Variants in ANO3 observed in about 807,000 individuals in gnomAD.
The protein encoded by ANO3 is anoctamin 3.
Under a neutral mutation model 144.8 loss-of-function variants are expected in ANO3, and 99 were observed. The ratio of observed to expected loss-of-function variants is 0.68; its 90% confidence interval spans 0.58 to 0.81. ANO3 has a LOEUF of 0.81. Among genes scored for constraint, ANO3 ranks in the 30% least tolerant of loss-of-function variants. The probability of loss-of-function intolerance (pLI) is 0.00; values close to 1 mark genes in which losing one functional copy is unlikely to be tolerated. For synonymous variants in ANO3, 414 were observed against 392.6 expected, an observed-to-expected ratio of 1.05 and a Z score of -0.64; for missense variants, 905 against 1,202.2, an observed-to-expected ratio of 0.75 and a Z score of 3.66.
chr11:26,437,276 C>T (rs1565024096), intron 1 of ANO3, among the ~76,000 whole-genome samples: 3 of 152,174 alleles, frequency 2.0e-5, no homozygotes, highest in South Asian at 2.1e-4. Flanking sequence ...TGGGGCTCCA[C>T]GTGTGCCCAA....
chr11:26,453,533 T>G lies in ANO3; in HGVS notation c.314-9497T>G, dbSNP rs1590373235. On this transcript the variant is annotated intron_variant, in intron 3 of 26. Transcript: ENST00000256737. ...TCAATTCAACAAGAAGAGCTAACTA[T>G]CCTAAATATATATGCACCCAATACA... 2.0e-5 allele frequency among the ~76,000 whole-genome samples: 3 copies of G among 152,148 alleles called. 1 individual carries two copies. In the East Asian group the frequency reaches 5.8e-4, roughly 29 times the overall value.
At chr11:26,478,032 A>G (rs1263218370) in intron 4 of ANO3, among the ~76,000 whole-genome samples, 1 of 152,218 alleles carries the variant, frequency 6.6e-6, no homozygotes, top group African/African-American at 2.4e-5. Flanking sequence ...GCTATTTAAA[A>G]GTGCAGTGAA....
intron 10 of ANO3, 62 bp from the exon 11 acceptor site, chr11:26,541,885 C>G: frequency 8.0e-6 from 12 of 1,498,014 alleles, no homozygotes; most frequent in Non-Finnish European, 1.1e-5. Context: ...AAATACAGTT[C>G]TTACTCAGTT....
intron 1 of ANO3, among the ~76,000 whole-genome samples, chr11:26,214,201 C>T (rs552118558): frequency 2.0e-5 from 3 of 151,844 alleles, no homozygotes; most frequent in Non-Finnish European, 4.4e-5. Flanking sequence ...CAAATGTCAC[C>T]AATGTCTAAA....
intron 1 of ANO3, among the ~76,000 whole-genome samples, chr11:26,371,989 T>C (rs1243896676): frequency 1.3e-5 from 2 of 152,174 alleles, no homozygotes; most frequent in Non-Finnish European, 2.9e-5. Context: ...AGGGCATTAT[T>C]GTGTTTTGAA....
chr11:26,441,268 C>T (rs1209788760), intron 1 of ANO3, among the ~76,000 whole-genome samples: 1 of 151,110 alleles, frequency 6.6e-6, no homozygotes, highest in Non-Finnish European at 1.5e-5. Flanking sequence ...CAGGCGCCCG[C>T]CACTACGCCC....
At chr11:26,448,786 A>G (rs1014236610) in intron 3 of ANO3, among the ~76,000 whole-genome samples, 1 of 152,206 alleles carries the variant, frequency 6.6e-6, no homozygotes, top group African/African-American at 2.4e-5. Flanking sequence ...TATTGAACAC[A>G]TAAGGTCCTC....
chr11:26,385,824 T>TACACAC (rs71047847), intron 1 of ANO3, among the ~76,000 whole-genome samples: 25 of 137,910 alleles, frequency 1.8e-4, no homozygotes, highest in Non-Finnish European at 1.4e-4. Context: ...TTCACACACA[T>TACACAC]ACACACACAC....
chr11:26,524,180 A>T (rs1195834331), intron 6 of ANO3, among the ~76,000 whole-genome samples: 2 of 152,192 alleles, frequency 1.3e-5, no homozygotes, highest in African/African-American at 2.4e-5. Flanking sequence ...GTTCTGAAGA[A>T]AAGATGAGTT....
intron 3 of ANO3, among the ~76,000 whole-genome samples, chr11:26,455,264 G>A (rs1859108836): frequency 1.3e-5 from 2 of 149,914 alleles, no homozygotes; most frequent in South Asian, 4.4e-4. Flanking sequence ...TATTCAATTA[G>A]GAAAAGAGGA....
chr11:26,418,957 T>G (rs1857673748), intron 1 of ANO3, among the ~76,000 whole-genome samples: 1 of 152,124 alleles, frequency 6.6e-6, no homozygotes, highest in Non-Finnish European at 1.5e-5. Context: ...TTTTCTGTAT[T>G]AGTCTATTCT....
chr11:26,457,424 G>A (rs539343258), intron 3 of ANO3, among the ~76,000 whole-genome samples: 2 of 151,226 alleles, frequency 1.3e-5, no homozygotes, highest in African/African-American at 4.8e-5. Flanking sequence ...ATCTACTTAG[G>A]CTTTAAAATT....
intron 1 of ANO3, among the ~76,000 whole-genome samples, chr11:26,380,652 A>G (rs1354331065): frequency 6.6e-6 from 1 of 152,164 alleles, no homozygotes; most frequent in Non-Finnish European, 1.5e-5. Context: ...AGGTTTTAAC[A>G]TATGAATTTT....
chr11:26,611,480 T>A (rs1195948926), intron 17 of ANO3, among the ~76,000 whole-genome samples: 2 of 152,202 alleles, frequency 1.3e-5, no homozygotes, highest in South Asian at 2.1e-4. Context: ...ATACTCGATA[T>A]GATCTCTGTC....
intron 1 of ANO3, among the ~76,000 whole-genome samples, chr11:26,345,441 T>A (rs2133905362): frequency 6.6e-6 from 1 of 152,236 alleles, no homozygotes; most frequent in South Asian, 2.1e-4. Context: ...TAGTCCCAGC[T>A]ACCTGGGAGG....
At chr11:26,565,394 A>T in intron 14 of ANO3, 1 of 1,613,294 alleles carries the variant, frequency 6.2e-7, no homozygotes, top group Non-Finnish European at 8.5e-7. Flanking sequence ...TCACGGTGTC[A>T]TTGACCAAAG....
intron 4 of ANO3, among the ~76,000 whole-genome samples, chr11:26,497,025 GACACACAC>G (rs10597733): frequency 1.8e-4 from 26 of 142,978 alleles, no homozygotes; most frequent in East Asian, 4.2e-4. Flanking sequence ...CATATATACA[GACACACAC>G]ACACACACAC....
chr11:26,574,479 T>C (rs1850936227), intron 14 of ANO3, among the ~76,000 whole-genome samples: 1 of 152,172 alleles, frequency 6.6e-6, no homozygotes, highest in Non-Finnish European at 1.5e-5. Context: ...TGATACAGGC[T>C]ACAAGTGGAA....
chr11:26,392,506 ATAT>A (rs1856908993), intron 1 of ANO3, among the ~76,000 whole-genome samples: 1 of 151,880 alleles, frequency 6.6e-6, no homozygotes, highest in Non-Finnish European at 1.5e-5. Context: ...TAGGGGTGAG[ATAT>A]TATGTTTTCA....
Sources: allele counts gnomAD v4.1 joint callset (sites outside exome capture counted in the v4.1 genomes callset), GRCh38; gene constraint gnomAD v4.1.1; transcripts MANE v1.5; gene names NCBI Gene and HGNC (gene_info 2026-07-23, HGNC 2026-07-21).